The following KDM7A variants were observed in gnomAD, a reference collection of about 807,000 sequenced individuals.
KDM7A encodes the protein lysine-specific demethylase 7A.
In KDM7A, 28 loss-of-function variants were observed where a neutral mutation model predicts 114.8. The observed-to-expected ratio is 0.24, with a 90% CI of 0.18 to 0.33. KDM7A has a LOEUF of 0.33. KDM7A is among the 10% of genes least tolerant of loss of function. The pLI is 1.00. For synonymous variants in KDM7A, 423 were observed against 397.8 expected (o/e 1.06, Z -0.75); for missense variants, 942 against 1,142.5 (o/e 0.82, Z 2.53).
At chr7:140,111,457 A>C (rs891545305) in intron 10 of KDM7A, among the ~76,000 whole-genome samples, 4 of 152,190 alleles carry the variant, frequency 2.6e-5, no homozygotes, top group African/African-American at 9.6e-5. Context: ...TCTACTCCTC[A>C]AAGCCTACTG....
At chr7:140,098,410 C>G (rs962909208) in intron 14 of KDM7A, among the ~76,000 whole-genome samples, 6 of 152,132 alleles carry the variant, frequency 3.9e-5, no homozygotes, top group Admixed American at 3.3e-4. Flanking sequence ...CAATTAATAA[C>G]CCAGTAGAGG....
chr7:140,165,706 A>G (rs1261344153), intron 1 of KDM7A, among the ~76,000 whole-genome samples: 3 of 152,182 alleles, frequency 2.0e-5, no homozygotes, highest in Non-Finnish European at 2.9e-5. Flanking sequence ...CGGGGTATCA[A>G]TGCTTGTGTT....
At chr7:140,105,272 C>G (rs1459703920) in intron 11 of KDM7A, among the ~76,000 whole-genome samples, 3 of 152,138 alleles carry the variant, frequency 2.0e-5, no homozygotes, top group African/African-American at 7.2e-5. Context: ...TAACGGAATA[C>G]CCTTTATTTC....
intron 9 of KDM7A, among the ~76,000 whole-genome samples, chr7:140,115,909 T>C (rs928081271): frequency 7.0e-6 from 1 of 142,924 alleles, no homozygotes; most frequent in Non-Finnish European, 1.5e-5. Flanking sequence ...AAAAAAGGCT[T>C]ATACACATAT....
intron 1 of KDM7A, among the ~76,000 whole-genome samples, chr7:140,150,015 T>C (rs1264325936): frequency 6.6e-6 from 1 of 152,178 alleles, no homozygotes; most frequent in East Asian, 1.9e-4. Context: ...AAATGATTCC[T>C]TTGGCAGAGC....
At chr7:140,155,952 G>A (rs1016327979) in intron 1 of KDM7A, among the ~76,000 whole-genome samples, 3 of 152,200 alleles carry the variant, frequency 2.0e-5, no homozygotes, top group African/African-American at 7.2e-5. Flanking sequence ...TCTTATGTAT[G>A]TAGACCATAT....
At chr7:140,105,972 T>C (rs1387486680) in intron 11 of KDM7A, among the ~76,000 whole-genome samples, 3 of 152,226 alleles carry the variant, frequency 2.0e-5, no homozygotes, top group African/African-American at 7.2e-5. Context: ...TCAGAGCCTG[T>C]TACTGGTATA....
At chr7:140,121,727 GC>G (rs1299203466) in intron 7 of KDM7A, among the ~76,000 whole-genome samples, 7 of 152,108 alleles carry the variant, frequency 4.6e-5, no homozygotes, top group African/African-American at 1.4e-4. Context: ...AAATTTTCCT[GC>G]GCATTCATAT....
chr7:140,170,029 T>C (rs1194801210), intron 1 of KDM7A, among the ~76,000 whole-genome samples: 1 of 152,184 alleles, frequency 6.6e-6, no homozygotes, highest in Non-Finnish European at 1.5e-5. Flanking sequence ...GTTCAATAAA[T>C]GAGCTTTTTG....
intron 1 of KDM7A, among the ~76,000 whole-genome samples, chr7:140,142,306 C>T (rs1371325126): frequency 6.6e-6 from 1 of 151,006 alleles, no homozygotes; most frequent in Non-Finnish European, 1.5e-5. Context: ...AAATAAACTC[C>T]TATTCATTAA....
chr7:140,162,930 T>G (rs1181278375), intron 1 of KDM7A, among the ~76,000 whole-genome samples: 2 of 151,918 alleles, frequency 1.3e-5, no homozygotes, highest in African/African-American at 4.8e-5. Flanking sequence ...CATGCTGATA[T>G]GAGAAGCTCT....
chr7:140,126,916 T>A, intron 5 of KDM7A, 93 bp from the exon 6 acceptor site: 1 of 887,156 alleles, frequency 1.1e-6, no homozygotes, highest in Non-Finnish European at 1.7e-6. Context: ...ACCAAATAAT[T>A]AAATGGAACT....
At position 140,135,482 on chromosome 7, in the gene KDM7A, T is replaced by A. The variant is rs141612000; in HGVS notation, c.281-1826A>T. ...TCCCAAAGTGCTAGGATTACACGTG[T>A]GAGCCACTGCGCCCAGCCCATAACT... On this transcript the variant is annotated intron_variant, in intron 2 of 19. Coordinates refer to ENST00000397560, the MANE Select transcript of KDM7A (RefSeq NM_030647.2). 1.1e-4 allele frequency among the ~76,000 whole-genome samples: 16 copies of A among 152,338 alleles called. No individual in the cohort carries two copies. In the East Asian group the frequency reaches 3.1e-3, roughly 29 times the overall value.
chr7:140,097,782 T>G lies in KDM7A; in HGVS notation c.1919-140A>C, dbSNP rs1818140422. The G allele has an allele frequency of 5.5e-6, 3 of 549,026 alleles. No individual in the cohort carries two copies. In the East Asian group the frequency reaches 9.0e-5, roughly 16 times the overall value. The allele number at this position is 549,026 out of a possible 1,614,324, so 34.0% of individuals were successfully genotyped here. A position where few individuals can be genotyped will look rare whatever the true frequency, so the allele number is the denominator to read the frequency against. ...TCTACCCTCCTTTTTCACTTTTATT[T>G]TCTTCATTTCTTTCTCCCCTTAAGG... On this transcript the variant is annotated intron_variant, in intron 14 of 19. Transcript: ENST00000397560.
intron 12 of KDM7A, among the ~76,000 whole-genome samples, chr7:140,100,687 T>TATATATAC (rs1562945948): frequency 4.9e-5 from 2 of 40,920 alleles, no homozygotes; most frequent in South Asian, 1.5e-3. Context: ...TATACATATA[T>TATATATAC]ACATATATAT....
chr7:140,104,260 T>C lies in KDM7A; in HGVS notation c.1429-2100A>G, dbSNP rs577830809. ...CAAAAATTTTCTCCCATTGTGTAGG[T>C]TGCCTGTTCACTTTGATGGTAGTTT... On this transcript the variant is annotated intron_variant, in intron 11 of 19. Coordinates refer to ENST00000397560, the MANE Select transcript of KDM7A (RefSeq NM_030647.2). Among the ~76,000 whole-genome samples, 18 of 152,314 alleles carry C rather than the reference T, an allele frequency of 1.2e-4. No individual in the cohort carries two copies. The South Asian group carries it at 2.9e-3, about 25-fold the overall frequency.
chr7:140,163,077 C>T (rs1794538142), intron 1 of KDM7A, among the ~76,000 whole-genome samples: 1 of 149,488 alleles, frequency 6.7e-6, no homozygotes, highest in South Asian at 2.1e-4. Flanking sequence ...TCACTGCAAG[C>T]TCCTCCTCCC....
intron 1 of KDM7A, among the ~76,000 whole-genome samples, chr7:140,160,686 C>CT (rs1794509083): frequency 6.6e-6 from 1 of 152,094 alleles, no homozygotes; most frequent in Admixed American, 6.5e-5. Context: ...GACTTTGGAG[C>CT]TTTAAGAGAA....
At chr7:140,175,061 G>A (rs1794686771) in intron 1 of KDM7A, among the ~76,000 whole-genome samples, 2 of 152,164 alleles carry the variant, frequency 1.3e-5, no homozygotes, top group Admixed American at 1.3e-4. Context: ...TAGTTGCGTA[G>A]AATATGTTAT....
Sources: gnomAD v4.1 joint callset for allele counts (sites outside exome capture counted in the v4.1 genomes callset) on GRCh38, gnomAD v4.1.1 for gene constraint, MANE v1.5 for transcripts, NCBI Gene and HGNC (gene_info 2026-07-23, HGNC 2026-07-21) for gene names.